Variants in MGMT observed in about 807,000 individuals in gnomAD.
MGMT encodes the protein methylated-DNA--protein-cysteine methyltransferase.
A neutral mutation model predicts 15.9 loss-of-function variants in MGMT; 14 were observed. The observed-to-expected ratio is 0.88, with a 90% CI of 0.58 to 1.37. The LOEUF (loss-of-function observed/expected upper bound fraction) is 1.37. Ranked by LOEUF, MGMT falls within the 40% of genes most tolerant of loss-of-function variation. MGMT has a pLI of 0.00. For missense variants in MGMT, 282 were observed against 268.1 expected (o/e 1.05, Z -0.36); for synonymous variants, 130 against 118.2 (o/e 1.10, Z -0.65).
At position 129,708,027 on chromosome 10, in the gene MGMT, T is replaced by A. The variant is rs754184302; in HGVS notation, c.258T>A (p.His86Gln). 6.2e-7 allele frequency: 1 copy of A among 1,612,524 alleles called. No individual in the cohort carries two copies. Among genetic ancestry groups the A allele is most frequent in the Non-Finnish European group, 8.5e-7 (1 of 1,179,366 alleles). ...IEEFPVPALH[H>Q]PVFQQESFTR... ...AGTTCCCCGTGCCGGCTCTTCACCA[T>A]CCCGTTTTCCAGCAAGGTCGGTAAC... is the stretch of plus-strand genomic sequence containing the variant. The change falls in exon 3 of 5, where the codon CAT becomes CAA. Residue 86 changes from histidine to glutamine, a missense_variant. Physicochemically the swap from His to Gln is conservative, Grantham distance 24. Coordinates refer to ENST00000651593, the MANE Select transcript of MGMT (RefSeq NM_002412.5).
chr10:129,727,169 AT>A (rs1848443578), intron 3 of MGMT, among the ~76,000 whole-genome samples: 1 of 152,296 alleles, frequency 6.6e-6, no homozygotes, highest in East Asian at 1.9e-4. Flanking sequence ...TCCTTCTCGG[AT>A]GGAGTCAGGT....
chr10:129,739,179 A>G (rs965667800), intron 3 of MGMT, among the ~76,000 whole-genome samples: 1 of 152,200 alleles, frequency 6.6e-6, no homozygotes, highest in Non-Finnish European at 1.5e-5. Flanking sequence ...TATTTATGAC[A>G]AACCCACAGC....
At chr10:129,627,196 G>A (rs1055733835) in intron 2 of MGMT, among the ~76,000 whole-genome samples, 2 of 152,172 alleles carry the variant, frequency 1.3e-5, no homozygotes, top group African/African-American at 4.8e-5. Context: ...GGTGTGCTGG[G>A]GGATGAGGGC....
chr10:129,651,486 G>A (rs1847457500), intron 2 of MGMT, among the ~76,000 whole-genome samples: 1 of 151,738 alleles, frequency 6.6e-6, no homozygotes, highest in Non-Finnish European at 1.5e-5. Context: ...TTACTATAGC[G>A]AACAAATTGC....
intron 2 of MGMT, among the ~76,000 whole-genome samples, chr10:129,619,254 C>T (rs1847063467): frequency 1.3e-5 from 2 of 152,048 alleles, no homozygotes; most frequent in Admixed American, 1.3e-4. Context: ...TGGAGAAATG[C>T]AGTAATTGAT....
intron 2 of MGMT, among the ~76,000 whole-genome samples, chr10:129,609,770 A>G (rs1846937768): frequency 6.6e-6 from 1 of 152,152 alleles, no homozygotes; most frequent in African/African-American, 2.4e-5. Flanking sequence ...GGAGAGCGGA[A>G]GAGCAGGAGG....
In MGMT at chr10:129,699,064, A is replaced by G. The variant is rs190297071; in HGVS notation, c.126-8831A>G. Among the ~76,000 whole-genome samples the G allele has an allele frequency of 4.2e-3, 642 of 152,254 alleles. 2 individuals are homozygous for G. Among genetic ancestry groups the G allele is most frequent in the African/African-American group, 0.014 (595 of 41,554 alleles). On this transcript the variant is annotated intron_variant, in intron 2 of 4. Transcript: ENST00000651593. ...TCTTTAGGGACCTGATCATTCATCT[A>G]TAGTTTTGGGGTGTTTTTATCTTCA...
intron 3 of MGMT, among the ~76,000 whole-genome samples, chr10:129,720,230 A>G (rs1359578835): frequency 1.3e-5 from 2 of 152,134 alleles, no homozygotes; most frequent in Non-Finnish European, 2.9e-5. Context: ...TCTTCTCCCT[A>G]CTCACTGTTA....
At chr10:129,619,076 C>G (rs900254299) in intron 2 of MGMT, among the ~76,000 whole-genome samples, 1 of 152,098 alleles carries the variant, frequency 6.6e-6, no homozygotes, top group African/African-American at 2.4e-5. Flanking sequence ...AGGGGTGAAG[C>G]ACTCAGTATT....
At chr10:129,696,119 A>T (rs987237197) in intron 2 of MGMT, among the ~76,000 whole-genome samples, 1 of 152,028 alleles carries the variant, frequency 6.6e-6, no homozygotes, top group Non-Finnish European at 1.5e-5. Context: ...CCCCTTTATT[A>T]ATGACCCCCT....
chr10:129,521,170 G>T (rs932711060), intron 1 of MGMT, among the ~76,000 whole-genome samples: 1 of 152,146 alleles, frequency 6.6e-6, no homozygotes, highest in Non-Finnish European at 1.5e-5. Flanking sequence ...CAGAGCTCAG[G>T]CCCCGCACAT....
At chr10:129,742,733 T>C (rs1331042547) in intron 3 of MGMT, among the ~76,000 whole-genome samples, 92 of 90,746 alleles carry the variant, frequency 1.0e-3, no homozygotes, top group Middle Eastern at 9.1e-3. Context: ...CCCACTACCA[T>C]AGCAGCCCAT....
chr10:129,488,016 C>T (rs1406896358), intron 1 of MGMT, among the ~76,000 whole-genome samples: 103 of 149,970 alleles, frequency 6.9e-4, no homozygotes, highest in African/African-American at 2.0e-3. Flanking sequence ...CACACACACA[C>T]ACACACACAC....
chr10:129,477,041 T>G (rs1167720172), intron 1 of MGMT, among the ~76,000 whole-genome samples: 1 of 152,128 alleles, frequency 6.6e-6, no homozygotes, highest in Non-Finnish European at 1.5e-5. Flanking sequence ...AGTGCTGGCC[T>G]CCTGTGTTTG....
At chr10:129,642,858 G>A (rs565287021) in intron 2 of MGMT, among the ~76,000 whole-genome samples, 5 of 151,930 alleles carry the variant, frequency 3.3e-5, no homozygotes, top group South Asian at 2.1e-4. Flanking sequence ...CCTGAGCCCC[G>A]AAGTTCAAGA....
chr10:129,696,204 G>C (rs190054659), intron 2 of MGMT, among the ~76,000 whole-genome samples: 2 of 152,332 alleles, frequency 1.3e-5, no homozygotes, highest in East Asian at 3.9e-4. Context: ...TAACGAGTGG[G>C]GCTGCTGGAA....
At chr10:129,570,307 C>T (rs1439143203) in intron 2 of MGMT, among the ~76,000 whole-genome samples, 1 of 152,256 alleles carries the variant, frequency 6.6e-6, no homozygotes, top group East Asian at 1.9e-4. Context: ...TGTAGCTCTG[C>T]AAGTCAGCAG....
At chr10:129,646,412 T>C (rs1160548225) in intron 2 of MGMT, among the ~76,000 whole-genome samples, 1 of 152,082 alleles carries the variant, frequency 6.6e-6, no homozygotes, top group East Asian at 1.9e-4. Flanking sequence ...CACCTAAGAC[T>C]CAAATTTACA....
intron 2 of MGMT, among the ~76,000 whole-genome samples, chr10:129,574,585 G>A (rs1459509652): frequency 6.6e-6 from 1 of 152,100 alleles, no homozygotes; most frequent in Non-Finnish European, 1.5e-5. Flanking sequence ...ATAGTTCTTT[G>A]TAGACAGACC....
Sources: allele counts gnomAD v4.1 joint callset (sites outside exome capture counted in the v4.1 genomes callset), GRCh38; gene constraint gnomAD v4.1.1; transcripts MANE v1.5; gene names NCBI Gene and HGNC (gene_info 2026-07-23, HGNC 2026-07-21).